Variants in SHOC1 observed in about 807,000 individuals in gnomAD.
SHOC1 encodes shortage in chiasmata 1, also known as protein shortage in chiasmata 1 ortholog.
SHOC1 carries 136 observed loss-of-function variants against 179.2 expected under a neutral mutation model. The ratio of observed to expected loss-of-function variants is 0.76; its 90% CI spans 0.66 to 0.87. The LOEUF is 0.87. Among genes scored for constraint, SHOC1 ranks in the 40% least tolerant of loss-of-function variants. The pLI, the probability that SHOC1 is intolerant of heterozygous loss-of-function variation, is 0.00. For synonymous variants in SHOC1, 489 were observed against 586.6 expected (o/e 0.83, Z 2.41); for missense variants, 1,538 against 1,700.8 (o/e 0.90, Z 1.68).
intron 5 of SHOC1, among the ~76,000 whole-genome samples, chr9:111,775,365 A>G (rs533172811): frequency 1.3e-5 from 2 of 152,320 alleles, no homozygotes; most frequent in Admixed American, 1.3e-4. Context: ...TACTGGAACT[A>G]TTCCATCTCC....
intron 5 of SHOC1, among the ~76,000 whole-genome samples, chr9:111,773,349 GT>G (rs1301468571): frequency 6.6e-6 from 1 of 152,000 alleles, no homozygotes; most frequent in East Asian, 1.9e-4. Flanking sequence ...TTTCACTCTT[GT>G]TGCCTAGGCT....
rs1834993606 is a variant in SHOC1, at chr9:111,758,711, C to T, written c.580G>A (p.Glu194Lys). Residue 194 changes from glutamate to lysine, a missense_variant, in exon 6 of 28, where the codon GAA (glutamate) becomes AAA (lysine). By Grantham distance (56) the Glu-to-Lys change is moderately conservative (BLOSUM62 1). Coordinates refer to ENST00000682961, the MANE Select transcript of SHOC1 (RefSeq NM_001378211.1). ...LLDFKGQIFT[E>K]ANFSRECFSL... ...AGTAAGTACCTGGAAAAATTAGCTT[C>T]TGTGAAGATCTGTCCTTTGAAATCT... 1.3e-6 allele frequency: 2 copies of T among 1,577,782 alleles called. No homozygotes were observed.
intron 5 of SHOC1, among the ~76,000 whole-genome samples, chr9:111,765,596 A>G (rs984827892): frequency 6.6e-6 from 1 of 151,926 alleles, no homozygotes; most frequent in Admixed American, 6.6e-5. Flanking sequence ...ACTCAAAAAC[A>G]AAACAAAACA....
intron 5 of SHOC1, among the ~76,000 whole-genome samples, chr9:111,775,054 G>T (rs1020048657): frequency 6.6e-6 from 1 of 151,782 alleles, no homozygotes; most frequent in Non-Finnish European, 1.5e-5. Flanking sequence ...AGAGTGCAGT[G>T]GCGCGATCTC....
intron 5 of SHOC1, among the ~76,000 whole-genome samples, chr9:111,773,563 C>A (rs1835707056): frequency 6.6e-6 from 1 of 152,168 alleles, no homozygotes; most frequent in African/African-American, 2.4e-5. Flanking sequence ...CCACCCGCCT[C>A]AGTCTCCCAA....
At chr9:111,693,621 A>G (rs1396476209) in intron 26 of SHOC1, among the ~76,000 whole-genome samples, 178 bp downstream of exon 26, 3 of 151,966 alleles carry the variant, frequency 2.0e-5, no homozygotes, top group Non-Finnish European at 4.4e-5. Context: ...AAAATGTATA[A>G]TTGATAGCTA....
chr9:111,729,948 G>A (rs953161593), intron 12 of SHOC1, among the ~76,000 whole-genome samples: 3 of 151,014 alleles, frequency 2.0e-5, no homozygotes, highest in Admixed American at 6.6e-5. Flanking sequence ...TATCAACTAT[G>A]TTTATGGAAT....
At chr9:111,704,523 C>T (rs1205702518) in intron 21 of SHOC1, among the ~76,000 whole-genome samples, 1 of 152,164 alleles carries the variant, frequency 6.6e-6, no homozygotes, top group Non-Finnish European at 1.5e-5. Flanking sequence ...GCTGGTACTA[C>T]AGGTACATAC....
At chr9:111,725,651 T>C (rs551608938) in intron 13 of SHOC1, among the ~76,000 whole-genome samples, 164 of 152,338 alleles carry the variant, frequency 1.1e-3, no homozygotes, top group African/African-American at 3.8e-3. Context: ...AGATCATTCT[T>C]TCCATCCCCT....
Position 111,738,384 on chromosome 9 carries a change from A to G in SHOC1, c.1313T>C (p.Met438Thr), listed in dbSNP as rs767182512. Residue 438 changes from methionine (M) to threonine (T), a missense_variant, in exon 12 of 28, where the codon ATG (methionine) becomes ACG (threonine). Met to Thr is a moderately conservative substitution (Grantham distance 81). Transcript: ENST00000682961. ...TGTATTCAGATGTTCCAATGTTTCC[A>G]TCATTTTCAGATTTAGTCCTGCTTG... ...WKQAGLNLKM[M>T]ETLEHLNTYL... is the part of the protein sequence containing the mutation. 1.9e-6 allele frequency: 3 copies of G among 1,613,430 alleles called. No homozygotes were observed. The highest frequency in any genetic ancestry group is 8.5e-7 in the Non-Finnish European group (1 of 1,179,764).
chr9:111,785,872 G>A (rs893588542), intron 3 of SHOC1, 40 bp downstream of exon 3: 4 of 1,402,940 alleles, frequency 2.9e-6, no homozygotes, highest in Non-Finnish European at 2.8e-6. Flanking sequence ...CTCTGAAATG[G>A]CTTTTAAAAC....
At chr9:111,694,570 A>T (rs1831604583) in intron 24 of SHOC1, among the ~76,000 whole-genome samples, 1 of 152,036 alleles carries the variant, frequency 6.6e-6, no homozygotes, top group Non-Finnish European at 1.5e-5. Context: ...ATATCCTTGT[A>T]TTTTTAATTT....
At chr9:111,765,274 A>G (rs533908487) in intron 5 of SHOC1, among the ~76,000 whole-genome samples, 1 of 152,244 alleles carries the variant, frequency 6.6e-6, no homozygotes, top group East Asian at 1.9e-4. Context: ...GCTGAAGATA[A>G]CAAAGAATTA....
At chr9:111,717,207 C>T (rs1832829756) in intron 16 of SHOC1, among the ~76,000 whole-genome samples, 1 of 152,130 alleles carries the variant, frequency 6.6e-6, no homozygotes, top group Non-Finnish European at 1.5e-5. Flanking sequence ...ATGTCTGGGT[C>T]TTAGATCAGA....
Position 111,727,679 on chromosome 9 carries a change from C to G in SHOC1, c.1788G>C (p.Lys596Asn). The G allele has an allele frequency of 6.2e-7, 1 of 1,604,338 alleles. No individual in the cohort carries two copies. Among genetic ancestry groups the G allele is most frequent in the Non-Finnish European group, 8.5e-7 (1 of 1,177,248 alleles). ...TGACTTCAGTCTTTGAGGTGCAAGT[C>G]TTATATTTATTTCGCAGCATAATAA... ...SDFIMLRNKY[K>N]TCTSKTEVTN... The change falls in exon 13 of 28, where the codon AAG (lysine) becomes AAC (asparagine). Residue 596 changes from lysine to asparagine, a missense_variant. Transcript: ENST00000682961.
At chr9:111,765,587 C>G (rs1019535065) in intron 5 of SHOC1, among the ~76,000 whole-genome samples, 2 of 152,032 alleles carry the variant, frequency 1.3e-5, no homozygotes, top group Non-Finnish European at 2.9e-5. Flanking sequence ...AAGACTCTGA[C>G]TCAAAAACAA....
chr9:111,740,716 C>T (rs1447173193), intron 11 of SHOC1, among the ~76,000 whole-genome samples: 4 of 152,038 alleles, frequency 2.6e-5, no homozygotes, highest in African/African-American at 9.7e-5. Context: ...GGACTACAGG[C>T]GTGCACCACC....
chr9:111,739,356 A>C (rs1833937569), intron 11 of SHOC1, among the ~76,000 whole-genome samples: 1 of 152,048 alleles, frequency 6.6e-6, no homozygotes, highest in Admixed American at 6.6e-5. Context: ...AAGTCTCATA[A>C]GTTTTGACAT....
chr9:111,687,342 A>G (rs932627066), intron 27 of SHOC1, among the ~76,000 whole-genome samples: 1 of 152,224 alleles, frequency 6.6e-6, no homozygotes, highest in African/African-American at 2.4e-5. Flanking sequence ...GGATAAAATA[A>G]TAACTATTAA....
Sources: gnomAD v4.1 joint callset for allele counts (sites outside exome capture counted in the v4.1 genomes callset) on GRCh38, gnomAD v4.1.1 for gene constraint, MANE v1.5 for transcripts, NCBI Gene and HGNC (gene_info 2026-07-23, HGNC 2026-07-21) for gene names.